Variants in TTC8 observed in about 807,000 individuals in gnomAD.
TTC8 encodes the protein tetratricopeptide repeat domain 8, also known as tetratricopeptide repeat protein 8.
TTC8 carries 47 observed loss-of-function variants against 72.5 expected under a neutral mutation model. That is an observed-to-expected ratio of 0.65 (90% CI 0.51 to 0.83). The LOEUF (loss-of-function observed/expected upper bound fraction) is 0.83. Among genes scored for constraint, TTC8 ranks in the 40% least tolerant of loss-of-function variants. TTC8 has a pLI of 0.00. For synonymous variants in TTC8, 199 were observed against 221.4 expected (o/e 0.90, Z 0.90); for missense variants, 611 against 623.2 (o/e 0.98, Z 0.21).
At chr14:88,872,138 G>C (rs1012577588) in intron 12 of TTC8, among the ~76,000 whole-genome samples, 192 bp from the exon 13 acceptor site, 7 of 152,186 alleles carry the variant, frequency 4.6e-5, no homozygotes, top group Non-Finnish European at 1.0e-4. Flanking sequence ...GGGCAATTTA[G>C]AAGTTTCTGG....
At chr14:88,880,435 A>T (rs2141053728), downstream of TTC8, 1 of 152,160 alleles carries the variant, frequency 6.6e-6, no homozygotes, top group African/African-American at 2.4e-5. Flanking sequence ...CTTGGGAACT[A>T]TGTTTCTTGC....
At chr14:88,839,318 TA>T (rs2094768526) in intron 2 of TTC8, 133 bp from the exon 3 acceptor site, 2 of 893,022 alleles carry the variant, frequency 2.2e-6, no homozygotes, top group South Asian at 3.9e-5. Flanking sequence ...CCCTTTAAAT[TA>T]AAATAATGTG....
chr14:88,839,630 G>A, intron 3 of TTC8, 58 bp downstream of exon 3: 2 of 1,580,242 alleles, frequency 1.3e-6, no homozygotes, highest in African/African-American at 2.7e-5. Context: ...AGAATACTGT[G>A]TATAAGAGGA....
intron 1 of TTC8, among the ~76,000 whole-genome samples, chr14:88,831,323 C>T (rs746895356): frequency 3.2e-4 from 48 of 152,216 alleles, no homozygotes; most frequent in Non-Finnish European, 6.2e-4. Flanking sequence ...CATTGGCCCA[C>T]CCCTTAATTT....
intron 14 of TTC8, among the ~76,000 whole-genome samples, chr14:88,876,399 G>A (rs1274348742): frequency 6.6e-6 from 1 of 152,122 alleles, no homozygotes; most frequent in Non-Finnish European, 1.5e-5. Context: ...TTTTTTGAGT[G>A]TATACATGAA....
intron 2 of TTC8, among the ~76,000 whole-genome samples, chr14:88,835,621 A>T (rs901118591): frequency 6.6e-6 from 1 of 152,186 alleles, no homozygotes; most frequent in East Asian, 1.9e-4. Context: ...ACTATTTTTT[A>T]AAAACTGTGT....
At chr14:88,879,771 G>A (rs1258857759), downstream of TTC8, 3 of 151,824 alleles carry the variant, frequency 2.0e-5, no homozygotes, top group South Asian at 6.3e-4. Flanking sequence ...CTGCCTCCCG[G>A]GTTCAAGCAA....
At position 88,840,904 on chromosome 14, in the gene TTC8, C is replaced by A; in HGVS notation, c.305C>A (p.Thr102Lys). ...TTGAAACTCCCTGGAACTAATCAGACAGGAGGGCCTAGCCAGGCCGTTAGG... is the reference window on the plus strand; with the variant it reads ...TTGAAACTCCCTGGAACTAATCAGAAAGGAGGGCCTAGCCAGGCCGTTAGG... Reference protein sequence around the residue: ...TSLKLPGTNQTGGPSQAVRPI... With the variant: ...TSLKLPGTNQKGGPSQAVRPI... Residue 102 changes from threonine (T) to lysine (K), a missense_variant, in exon 4 of 15, where the codon ACA (threonine) becomes AAA (lysine). Coordinates refer to ENST00000380656, the MANE Select transcript of TTC8 (RefSeq NM_144596.4). 3.1e-6 allele frequency: 5 copies of A among 1,614,128 alleles called. No homozygotes were observed. The highest frequency in any genetic ancestry group is 4.2e-6 in the Non-Finnish European group (5 of 1,179,996).
chr14:88,880,179 GA>G (rs1878016164), downstream of TTC8: 1 of 152,182 alleles, frequency 6.6e-6, no homozygotes, highest in African/African-American at 2.4e-5. Flanking sequence ...AGGAAATAGA[GA>G]AATTGGAATG....
rs189653662 is a variant in TTC8, at chr14:88,868,497, T to C, written c.910-1562T>C. On this transcript the variant is annotated intron_variant, in intron 10 of 14. Coordinates refer to ENST00000380656, the MANE Select transcript of TTC8 (RefSeq NM_144596.4). Reference sequence around the variant, plus strand: ...TAATTCTTGTTTATTAATTTTTCAGTTTCTAGAACACTAAATTTTGTGCTA... The same window carrying C: ...TAATTCTTGTTTATTAATTTTTCAGCTTCTAGAACACTAAATTTTGTGCTA... Among the ~76,000 whole-genome samples, 14 of 152,304 alleles carry C rather than the reference T, an allele frequency of 9.2e-5. No homozygotes were observed. In the East Asian group the frequency reaches 2.7e-3, roughly 29 times the overall value.
At chr14:88,875,586 G>A (rs932287393) in intron 14 of TTC8, among the ~76,000 whole-genome samples, 1 of 152,134 alleles carries the variant, frequency 6.6e-6, no homozygotes, top group Non-Finnish European at 1.5e-5. Context: ...GTATCCGAAA[G>A]CTAAAGGGAA....
At chr14:88,851,251 C>T (rs1392483960) in intron 7 of TTC8, among the ~76,000 whole-genome samples, 2 of 152,110 alleles carry the variant, frequency 1.3e-5, no homozygotes, top group African/African-American at 4.8e-5. Flanking sequence ...GAGTTCAGTC[C>T]TTAGCAGCCT....
chr14:88,844,252 G>A (rs892946510), intron 7 of TTC8, among the ~76,000 whole-genome samples: 12 of 152,056 alleles, frequency 7.9e-5, no homozygotes, highest in African/African-American at 2.4e-4. Context: ...CATCATTAAC[G>A]TTTTATGATC....
Position 88,870,201 on chromosome 14 carries a change from G to T in TTC8, c.1049+3G>T. 1 of 1,613,964 alleles carries T rather than the reference G, an allele frequency of 6.2e-7. No homozygotes were observed. Among genetic ancestry groups the T allele is most frequent in the Non-Finnish European group, 8.5e-7 (1 of 1,179,894 alleles). ...GAAATAGCTCTCCGGTTTTACAGGTGCACTTCACATCCAATTCTTAGAACC... is the reference window on the plus strand; with the variant it reads ...GAAATAGCTCTCCGGTTTTACAGGTTCACTTCACATCCAATTCTTAGAACC... On this transcript the variant is annotated splice_donor_region_variant and intron_variant, in intron 11 of 14. Transcript: ENST00000380656.
At chr14:88,840,522 C>T (rs2094775129) in intron 3 of TTC8, among the ~76,000 whole-genome samples, 1 of 152,064 alleles carries the variant, frequency 6.6e-6, no homozygotes, top group East Asian at 1.9e-4. Context: ...AATAATTGAA[C>T]TATGAAGATA....
At chr14:88,875,904 A>G (rs566708784) in intron 14 of TTC8, among the ~76,000 whole-genome samples, 63 of 152,196 alleles carry the variant, frequency 4.1e-4, no homozygotes, top group African/African-American at 1.5e-3. Flanking sequence ...AATTCTCCCA[A>G]CTACCCCGCC....
upstream of TTC8, chr14:88,824,606 A>G: frequency 3.3e-6 from 3 of 922,866 alleles, no homozygotes; most frequent in Non-Finnish European, 5.1e-6. Context: ...ACAAGGCCCC[A>G]GCCGTCGCGG....
At chr14:88,861,402 A>G in intron 10 of TTC8, 70 bp downstream of exon 10, 1 of 1,141,336 alleles carries the variant, frequency 8.8e-7, no homozygotes, top group Non-Finnish European at 1.3e-6. Flanking sequence ...GGTACATGTG[A>G]TATTTTAATT....
At chr14:88,829,711 A>G (rs2140954158) in intron 1 of TTC8, among the ~76,000 whole-genome samples, 1 of 152,196 alleles carries the variant, frequency 6.6e-6, no homozygotes, top group East Asian at 1.9e-4. Context: ...ATAATGAGAG[A>G]TGTTACAGAG....
Sources: allele counts gnomAD v4.1 joint callset (sites outside exome capture counted in the v4.1 genomes callset), GRCh38; gene constraint gnomAD v4.1.1; transcripts MANE v1.5; gene names NCBI Gene and HGNC (gene_info 2026-07-23, HGNC 2026-07-21).